DIP2A: variants seen among roughly 807,000 people sequenced by gnomAD.
DIP2A encodes the protein disco-interacting protein 2 homolog A.
A neutral mutation model predicts 177.4 loss-of-function variants in DIP2A; 85 were observed. That is an observed-to-expected ratio of 0.48 (90% CI 0.40 to 0.57). The LOEUF (loss-of-function observed/expected upper bound fraction) is 0.57, where lower values mean the gene tolerates loss of function less well. DIP2A is among the 20% of genes least tolerant of loss of function. The pLI is 0.00. For synonymous variants in DIP2A, 886 were observed against 881.8 expected (o/e 1.00, Z -0.08); for missense variants, 1,791 against 2,100.2 (o/e 0.85, Z 2.88).
At chr21:46,468,704 T>A (rs1014819961) in intron 1 of DIP2A, among the ~76,000 whole-genome samples, 1 of 152,220 alleles carries the variant, frequency 6.6e-6, no homozygotes, top group African/African-American at 2.4e-5. Context: ...TTAAATGTTC[T>A]TATCACAAAC....
In DIP2A at chr21:46,490,687, C is replaced by A; in HGVS notation, c.251C>A (p.Pro84His). 6.3e-7 allele frequency: 1 copy of A among 1,587,446 alleles called. No individual in the cohort carries two copies. The change falls in exon 3 of 38, where the codon CCC becomes CAC. Residue 84 changes from proline to histidine, a missense_variant. By Grantham distance (77) the Pro-to-His change is moderately conservative. Coordinates refer to ENST00000417564, the MANE Select transcript of DIP2A (RefSeq NM_015151.4). Reference sequence around the variant, plus strand: ...GCACCCAAGCAGCAGAAGTCTCGGCCCACCGCCTCGAGGGATGAGCGCTTC... The same window carrying A: ...GCACCCAAGCAGCAGAAGTCTCGGCACACCGCCTCGAGGGATGAGCGCTTC... ...AAAPKQQKSR[P>H]TASRDERFRS...
chr21:46,554,179 C>G lies in DIP2A; in HGVS notation c.3041C>G (p.Thr1014Arg), dbSNP rs769823201. The change falls in exon 26 of 38, where the codon ACA (threonine) becomes AGA (arginine). Residue 1014 changes from threonine (T) to arginine (R), a missense_variant. Coordinates refer to ENST00000417564, the MANE Select transcript of DIP2A (RefSeq NM_015151.4). The stretch of plus-strand genomic sequence containing the variant: ...AGATCGCTTTCCTAGGGCACCGTCA[C>G]AAGCACTGCAACCTGTGTCCAGCTG... ...FLLLNAKGTVTSTATCVQLHK... is the reference protein window; with the variant it reads ...FLLLNAKGTVRSTATCVQLHK... 5 of 1,613,808 alleles carry G rather than the reference C, an allele frequency of 3.1e-6. No homozygotes were observed. Among genetic ancestry groups the G allele is most frequent in the Non-Finnish European group, 3.4e-6 (4 of 1,179,748 alleles).
At chr21:46,479,441 A>T (rs995749158) in intron 1 of DIP2A, among the ~76,000 whole-genome samples, 9 of 152,252 alleles carry the variant, frequency 5.9e-5, no homozygotes, top group Non-Finnish European at 1.3e-4. Flanking sequence ...ACATTTAAAA[A>T]GCCCGCTTTT....
downstream of DIP2A, among the ~76,000 whole-genome samples, chr21:46,571,661 A>G (rs755356202): frequency 9.2e-5 from 14 of 152,126 alleles, no homozygotes; most frequent in Admixed American, 5.9e-4. Context: ...CTTAGTAGCA[A>G]TTGTGAATGG....
chr21:46,514,528 T>C (rs2058461276), intron 8 of DIP2A, among the ~76,000 whole-genome samples: 1 of 151,812 alleles, frequency 6.6e-6, no homozygotes, highest in African/African-American at 2.4e-5. Flanking sequence ...TTTGTCTATA[T>C]ATCTTTTGTA....
chr21:46,578,133 G>A, the DIP2A span, among the ~76,000 whole-genome samples: 1 of 152,194 alleles, frequency 6.6e-6, no homozygotes, highest in Admixed American at 6.5e-5. Context: ...CCAACATGGT[G>A]AAATCCTGTC....
chr21:46,562,687 G>A (rs576198593), intron 34 of DIP2A, among the ~76,000 whole-genome samples: 2 of 152,340 alleles, frequency 1.3e-5, no homozygotes, highest in South Asian at 2.1e-4. Context: ...GAAGGAGTGC[G>A]TGAGTGAGTG....
chr21:46,475,005 G>A (rs898010062), intron 1 of DIP2A, among the ~76,000 whole-genome samples: 1 of 152,156 alleles, frequency 6.6e-6, no homozygotes, highest in Non-Finnish European at 1.5e-5. Context: ...ATGTATTCCT[G>A]TAGAAGGTAC....
chr21:46,486,351 T>A (rs1159051125), intron 2 of DIP2A, among the ~76,000 whole-genome samples: 1 of 152,146 alleles, frequency 6.6e-6, no homozygotes, highest in Non-Finnish European at 1.5e-5. Flanking sequence ...ATTACAGGTG[T>A]GCACCACCAC....
chr21:46,523,975 G>C (rs1569033032), intron 8 of DIP2A, among the ~76,000 whole-genome samples: 1 of 152,220 alleles, frequency 6.6e-6, no homozygotes, highest in Non-Finnish European at 1.5e-5. Flanking sequence ...AGGGAGGCCG[G>C]AGAAAGACCC....
At chr21:46,543,621 A>C (rs2059915155) in intron 18 of DIP2A, among the ~76,000 whole-genome samples, 1 of 150,204 alleles carries the variant, frequency 6.7e-6, no homozygotes. Flanking sequence ...TTGTTGTGGG[A>C]CTGAGCCCCA....
chr21:46,565,506 A>G (rs2060808753), intron 35 of DIP2A, among the ~76,000 whole-genome samples: 1 of 152,250 alleles, frequency 6.6e-6, no homozygotes, highest in Non-Finnish European at 1.5e-5. Flanking sequence ...AAAGGAAGAA[A>G]CACAGTATTT....
intron 32 of DIP2A, among the ~76,000 whole-genome samples, chr21:46,560,078 G>C (rs2060614038): frequency 6.6e-6 from 1 of 152,240 alleles, no homozygotes; most frequent in South Asian, 2.1e-4. Context: ...CATTGCCTTG[G>C]GAGGAAGGGC....
intron 8 of DIP2A, among the ~76,000 whole-genome samples, chr21:46,514,617 CTTT>C (rs752628688): frequency 4.3e-5 from 3 of 70,526 alleles, no homozygotes; most frequent in Admixed American, 2.4e-4. Flanking sequence ...AACTTTTATT[CTTT>C]TTTTTTTTTT....
chr21:46,563,715 A>G lies in DIP2A; in HGVS notation c.4090-143A>G. On this transcript the variant is annotated intron_variant, in intron 34 of 37. Coordinates refer to ENST00000417564, the MANE Select transcript of DIP2A (RefSeq NM_015151.4). The surrounding 1 kb of genome is among the most constrained non-coding windows in gnomAD (Gnocchi z 4.3). ...TTTCAAAATTCAAAGTCAAATTTGG[A>G]GCGGCCTCTAAACTTCCTGACCTGA... The G allele has an allele frequency of 7.3e-7, 1 of 1,370,448 alleles. No individual in the cohort carries two copies. Among genetic ancestry groups the G allele is most frequent in the South Asian group, 1.7e-5 (1 of 58,280 alleles). 84.9% of individuals were successfully genotyped at this position (1,370,448 alleles called of 1,614,324 possible).
chr21:46,497,216 G>A, intron 4 of DIP2A, 109 bp downstream of exon 4: 1 of 1,325,760 alleles, frequency 7.5e-7, no homozygotes, highest in Non-Finnish European at 1.0e-6. Context: ...CTGTAGTATA[G>A]ATTGGACGCA....
intron 1 of DIP2A, among the ~76,000 whole-genome samples, chr21:46,476,896 A>G (rs1321889717): frequency 6.6e-6 from 1 of 152,170 alleles, no homozygotes; most frequent in Non-Finnish European, 1.5e-5. Context: ...ACCTCAAATG[A>G]TCTGCCTGCC....
rs1170533601 is a variant in DIP2A at position 46,557,882 on chromosome 21, C to G, written c.3798+129C>G. On this transcript the variant is annotated intron_variant, in intron 31 of 37. Transcript: ENST00000417564. This position sits in a 1 kb window ranked among gnomAD's most constrained non-coding sequence, Gnocchi z 6.0. ...TGGAGGAAGTAGAGAAAACCCTTTC[C>G]CACTAGGGGCCCTATGTACACATCT... The G allele has an allele frequency of 8.6e-7, 1 of 1,161,144 alleles. No homozygotes were observed. Among genetic ancestry groups the G allele is most frequent in the African/African-American group, 1.5e-5 (1 of 64,570 alleles). The allele number at this position is 1,161,144 out of a possible 1,614,324, so 71.9% of individuals were successfully genotyped here. A position where few individuals can be genotyped will look rare whatever the true frequency, so the allele number is the denominator to read the frequency against.
intron 5 of DIP2A, among the ~76,000 whole-genome samples, chr21:46,500,759 T>G (rs1334616990): frequency 2.6e-5 from 4 of 152,264 alleles, no homozygotes; most frequent in African/African-American, 9.6e-5. Flanking sequence ...GTGGGGTGTC[T>G]TTAAGCAAAG....
Sources: gnomAD v4.1 joint callset for allele counts (sites outside exome capture counted in the v4.1 genomes callset) on GRCh38, gnomAD v4.1.1 for gene constraint, Gnocchi (gnomAD v3.1) non-coding constraint, MANE v1.5 for transcripts, NCBI Gene and HGNC (gene_info 2026-07-23, HGNC 2026-07-21) for gene names.